Variants in CLYBL observed in about 807,000 individuals in gnomAD.
The protein encoded by CLYBL is citramalyl-CoA lyase, also known as citramalyl-CoA lyase, mitochondrial.
Under a neutral mutation model 38.9 loss-of-function variants are expected in CLYBL, and 31 were observed. That is an observed-to-expected ratio of 0.80 (90% CI 0.60 to 1.08). The LOEUF is 1.08. Ranked by LOEUF, CLYBL falls within the 50% of genes least tolerant of loss-of-function variation. CLYBL has a pLI of 0.00. For missense variants in CLYBL, 434 were observed against 411.6 expected, an observed-to-expected ratio of 1.05 and a Z score of -0.47; for synonymous variants, 171 against 158.6, an observed-to-expected ratio of 1.08 and a Z score of -0.59.
At chr13:99,622,937 T>C (rs527282143) in intron 1 of CLYBL, among the ~76,000 whole-genome samples, 11 of 152,266 alleles carry the variant, frequency 7.2e-5, no homozygotes, top group African/African-American at 2.4e-4. Flanking sequence ...GCTTGAGTGA[T>C]TCCCCCTGCC....
At chr13:99,796,742 G>A (rs2050029400) in intron 2 of CLYBL, among the ~76,000 whole-genome samples, 1 of 152,152 alleles carries the variant, frequency 6.6e-6, no homozygotes, top group Middle Eastern at 3.2e-3. Flanking sequence ...GCAGAAGTGA[G>A]CCAAGGTTCC....
chr13:99,614,666 G>A (rs575487747), intron 1 of CLYBL, among the ~76,000 whole-genome samples: 11 of 152,226 alleles, frequency 7.2e-5, no homozygotes, highest in Admixed American at 2.6e-4. Flanking sequence ...TGTGGGGCTC[G>A]TGCTCCTACA....
chr13:99,851,092 G>A (rs1278387438), intron 2 of CLYBL, among the ~76,000 whole-genome samples: 2 of 152,106 alleles, frequency 1.3e-5, no homozygotes, highest in Non-Finnish European at 2.9e-5. Flanking sequence ...TTGGAAATAG[G>A]CCAGGTGTGG....
chr13:99,758,873 C>T (rs1460902744), intron 1 of CLYBL, among the ~76,000 whole-genome samples: 1 of 152,236 alleles, frequency 6.6e-6, no homozygotes, highest in Admixed American at 6.5e-5. Context: ...GGGTGTCCCT[C>T]TCTGAACCTC....
chr13:99,803,873 C>G (rs2050181230), intron 2 of CLYBL, among the ~76,000 whole-genome samples: 1 of 152,098 alleles, frequency 6.6e-6, no homozygotes, highest in Non-Finnish European at 1.5e-5. Flanking sequence ...CGACTGCAGT[C>G]CTAACTGGAG....
intron 1 of CLYBL, among the ~76,000 whole-genome samples, chr13:99,664,506 G>T (rs2047452639): frequency 6.6e-6 from 1 of 152,086 alleles, no homozygotes. Context: ...TTGCTATTAT[G>T]ATTACTAAAG....
Position 99,859,086 on chromosome 13 carries a change from A to G in CLYBL, c.438+37A>G, listed in dbSNP as rs751258118. The G allele has an allele frequency of 2.6e-6, 4 of 1,558,306 alleles. No homozygotes were observed. The African/African-American group carries it at 5.5e-5, about 21-fold the overall frequency. On this transcript the variant is annotated intron_variant, in intron 3 of 8. Coordinates refer to ENST00000339105, the MANE Select transcript of CLYBL (RefSeq NM_206808.5). ...ATGCTTTGCCTTAAGACTCAGGAGC[A>G]GCTAAGGAGGAGTAGCAGGAAGAAG...
intron 1 of CLYBL, among the ~76,000 whole-genome samples, chr13:99,723,930 G>A (rs1219860296): frequency 6.6e-6 from 1 of 152,166 alleles, no homozygotes. Flanking sequence ...AGACACTTGT[G>A]TAGATTTTTC....
intron 1 of CLYBL, among the ~76,000 whole-genome samples, chr13:99,765,032 A>G (rs1196339124): frequency 1.3e-5 from 2 of 150,424 alleles, no homozygotes; most frequent in Non-Finnish European, 3.0e-5. Flanking sequence ...ATACCTTTAA[A>G]TGTTTTTCTT....
At chr13:99,732,743 T>C (rs907317918) in intron 1 of CLYBL, among the ~76,000 whole-genome samples, 3 of 152,212 alleles carry the variant, frequency 2.0e-5, no homozygotes, top group African/African-American at 7.2e-5. Flanking sequence ...TGTGCTGTAA[T>C]ACAAGAGGCA....
At chr13:99,862,897 C>T in intron 3 of CLYBL, 94 bp from the exon 4 acceptor site, 2 of 472,408 alleles carry the variant, frequency 4.2e-6, no homozygotes, top group Non-Finnish European at 7.4e-6. Flanking sequence ...ATATTACTTC[C>T]TCAGGTCAAA....
chr13:99,809,105 C>A (rs1024390398), intron 2 of CLYBL, among the ~76,000 whole-genome samples: 1 of 152,158 alleles, frequency 6.6e-6, no homozygotes, highest in African/African-American at 2.4e-5. Context: ...CACCTCCCAG[C>A]TTCCTATGAC....
chr13:99,775,891 C>T (rs1432491834), intron 2 of CLYBL, among the ~76,000 whole-genome samples: 3 of 151,930 alleles, frequency 2.0e-5, no homozygotes, highest in Admixed American at 6.6e-5. Flanking sequence ...AGGCCGGGCA[C>T]GGTGGCTCAC....
intron 1 of CLYBL, among the ~76,000 whole-genome samples, chr13:99,667,664 T>C (rs576885481): frequency 3.9e-5 from 6 of 152,328 alleles, no homozygotes; most frequent in Admixed American, 3.9e-4. Flanking sequence ...TTGATGAAGT[T>C]ATGGAATACA....
chr13:99,898,055 C>G (rs193027775), downstream of CLYBL, among the ~76,000 whole-genome samples: 2 of 152,100 alleles, frequency 1.3e-5, no homozygotes, highest in Non-Finnish European at 2.9e-5. Context: ...GGAGTTGATA[C>G]GCTGAAAACT....
At position 99,763,499 on chromosome 13, in the gene CLYBL, G is replaced by A. The variant is rs144497413; in HGVS notation, c.63-9325G>A. Among the ~76,000 whole-genome samples, 1,200 of 150,070 alleles carry A rather than the reference G, an allele frequency of 8.0e-3. 11 individuals are homozygous for A. The highest frequency in any genetic ancestry group is 0.055 in the Middle Eastern group (16 of 292). Reference sequence around the variant, plus strand: ...TATTTGCATATGTTGGATCATCCTCGCATCCCTGGGATTAATCTCACTTGA... The same window carrying A: ...TATTTGCATATGTTGGATCATCCTCACATCCCTGGGATTAATCTCACTTGA... On this transcript the variant is annotated intron_variant, in intron 1 of 8. Coordinates refer to ENST00000339105, the MANE Select transcript of CLYBL (RefSeq NM_206808.5).
In CLYBL at chr13:99,684,186, A is replaced by ATTT. The variant is rs965852345; in HGVS notation, c.62+77447_62+77449dup. ...TGAGCCACCGGGCCTGGCATGTTTG[A>ATTT]TTTTTTTTTTTTTTTTTTTTGAGAC... On this transcript the variant is annotated intron_variant, in intron 1 of 8. Coordinates refer to ENST00000339105, the MANE Select transcript of CLYBL (RefSeq NM_206808.5). Among the ~76,000 whole-genome samples, 280 of 108,010 alleles carry ATTT rather than the reference A, an allele frequency of 2.6e-3. 10 individuals carry two copies. Among genetic ancestry groups the ATTT allele is most frequent in the African/African-American group, 0.01 (269 of 26,286 alleles). The allele number at this position is 108,010 out of a possible 152,430, so 70.9% of individuals were successfully genotyped here.
At chr13:99,858,788 G>C in intron 2 of CLYBL, 73 bp from the exon 3 acceptor site, 1 of 1,041,524 alleles carries the variant, frequency 9.6e-7, no homozygotes, top group Non-Finnish European at 1.4e-6. Context: ...CCACATAACA[G>C]TTTCATCAAC....
chr13:99,802,634 G>A (rs2138948198), intron 2 of CLYBL, among the ~76,000 whole-genome samples: 1 of 152,294 alleles, frequency 6.6e-6, no homozygotes, highest in Non-Finnish European at 1.5e-5. Flanking sequence ...ATGTATGAAT[G>A]AGTGACTCCA....
Sources: allele counts gnomAD v4.1 joint callset (sites outside exome capture counted in the v4.1 genomes callset), GRCh38; gene constraint gnomAD v4.1.1; transcripts MANE v1.5; gene names NCBI Gene and HGNC (gene_info 2026-07-23, HGNC 2026-07-21).